CEP120: variants seen among roughly 807,000 people sequenced by gnomAD.
The protein encoded by CEP120 is centrosomal protein of 120 kDa.
A neutral mutation model predicts 126.5 loss-of-function variants in CEP120; 113 were observed. The ratio of observed to expected loss-of-function variants is 0.89; its 90% CI spans 0.77 to 1.04. The LOEUF is 1.04. Ranked by LOEUF, CEP120 falls within the 50% of genes least tolerant of loss-of-function variation. CEP120 has a pLI of 0.00. For missense variants in CEP120, 1,230 were observed against 1,155.7 expected (o/e 1.06, Z -0.93); for synonymous variants, 400 against 394.3 (o/e 1.01, Z -0.17).
intron 6 of CEP120, 114 bp from the exon 7 acceptor site, chr5:123,391,451 G>T: frequency 1.3e-6 from 1 of 740,926 alleles, no homozygotes; most frequent in Non-Finnish European, 2.2e-6. Flanking sequence ...TATTATGCAG[G>T]TTATACCTCA....
intron 18 of CEP120, among the ~76,000 whole-genome samples, chr5:123,360,990 T>TCAATAAAAATG (rs1770037260): frequency 6.6e-6 from 1 of 151,368 alleles, no homozygotes; most frequent in African/African-American, 2.4e-5. Flanking sequence ...GCATAGATAC[T>TCAATAAAAATG]TCTCAATAAA....
At chr5:123,350,285 C>T (rs1483354413) in intron 18 of CEP120, among the ~76,000 whole-genome samples, 196 bp from the exon 19 acceptor site, 2 of 152,022 alleles carry the variant, frequency 1.3e-5, no homozygotes, top group Non-Finnish European at 2.9e-5. Flanking sequence ...AGCAACGAAG[C>T]ACACTACAGC....
chr5:123,362,070 G>A (rs1329539342), intron 18 of CEP120, among the ~76,000 whole-genome samples: 1 of 151,530 alleles, frequency 6.6e-6, no homozygotes, highest in Non-Finnish European at 1.5e-5. Flanking sequence ...TTTATATCTT[G>A]TTACCTTTAA....
intron 18 of CEP120, among the ~76,000 whole-genome samples, chr5:123,362,014 T>C (rs990138628): frequency 4.0e-5 from 6 of 151,602 alleles, no homozygotes; most frequent in Admixed American, 2.6e-4. Context: ...TCTGATGGAG[T>C]TTATATCTTG....
intron 3 of CEP120, 41 bp from the exon 4 acceptor site, chr5:123,412,581 A>AG (rs751484760): frequency 2.7e-6 from 4 of 1,463,076 alleles, no homozygotes; most frequent in Non-Finnish European, 3.7e-6. Context: ...ATAGTTAATA[A>AG]GGGAAAAAAC....
chr5:123,395,665 T>C (rs1289646829), intron 5 of CEP120, among the ~76,000 whole-genome samples: 2 of 151,284 alleles, frequency 1.3e-5, no homozygotes, highest in African/African-American at 2.4e-5. Flanking sequence ...TTGTGGCATG[T>C]ATCAGTACTT....
intron 4 of CEP120, among the ~76,000 whole-genome samples, chr5:123,411,406 T>C (rs1774051985): frequency 6.6e-6 from 1 of 152,190 alleles, no homozygotes; most frequent in Non-Finnish European, 1.5e-5. Context: ...TTACAGTACC[T>C]TTATTTATAA....
rs967352979 is a variant in CEP120 at position 123,388,171 on chromosome 5, T to C, written c.1430+261A>G. 3.2e-5 allele frequency: 7 copies of C among 218,586 alleles called. No individual in the cohort carries two copies. The South Asian group carries it at 1.1e-3, about 34-fold the overall frequency. 13.5% of individuals were successfully genotyped at this position (218,586 alleles called of 1,614,324 possible). On this transcript the variant is annotated intron_variant, in intron 9 of 19. Transcript: ENST00000306467. ...TATTATGTATGTTTATCAAAATACA[T>C]ACATGTATTATATTACTTAGAATAA...
At chr5:123,395,636 T>C (rs1358887392) in intron 5 of CEP120, among the ~76,000 whole-genome samples, 1 of 152,080 alleles carries the variant, frequency 6.6e-6, no homozygotes, top group African/African-American at 2.4e-5. Context: ...ACTTAGCATG[T>C]TTCCACCATT....
intron 10 of CEP120, among the ~76,000 whole-genome samples, chr5:123,385,741 T>G (rs988311126): frequency 6.6e-6 from 1 of 151,582 alleles, no homozygotes; most frequent in Admixed American, 6.6e-5. Context: ...TTTAGCCCCC[T>G]AAGTAGCTGG....
At chr5:123,353,179 TTC>T (rs935811131) in intron 18 of CEP120, among the ~76,000 whole-genome samples, 126 of 152,112 alleles carry the variant, frequency 8.3e-4, no homozygotes, top group African/African-American at 3.0e-3. Flanking sequence ...GAGGGAAGGT[TTC>T]TCTCATTTCT....
chr5:123,365,798 G>A (rs992257075), intron 17 of CEP120, among the ~76,000 whole-genome samples: 1 of 151,284 alleles, frequency 6.6e-6, no homozygotes, highest in Non-Finnish European at 1.5e-5. Context: ...TATCACTGTG[G>A]GATAAGAGGA....
At chr5:123,378,842 T>A (rs765841560) in intron 14 of CEP120, among the ~76,000 whole-genome samples, 8 of 151,884 alleles carry the variant, frequency 5.3e-5, no homozygotes, top group Non-Finnish European at 1.2e-4. Flanking sequence ...GTGGTGGGTG[T>A]CTTGGTGTAT....
intron 6 of CEP120, among the ~76,000 whole-genome samples, chr5:123,392,216 T>C (rs930268676): frequency 1.1e-4 from 17 of 152,194 alleles, no homozygotes; most frequent in Non-Finnish European, 2.5e-4. Flanking sequence ...CATTAGAAAC[T>C]AATAAATCAA....
At chr5:123,365,579 TG>T (rs1562011082) in intron 17 of CEP120, among the ~76,000 whole-genome samples, 1 of 151,682 alleles carries the variant, frequency 6.6e-6, no homozygotes, top group Non-Finnish European at 1.5e-5. Flanking sequence ...TATGACTACA[TG>T]GAGTCAAGGT....
intron 19 of CEP120, 53 bp from the exon 20 acceptor site, chr5:123,346,806 G>C (rs1449850940): frequency 3.9e-6 from 5 of 1,283,702 alleles, no homozygotes; most frequent in Non-Finnish European, 5.3e-6. Context: ...TTTTCTTAAT[G>C]TCACTATTTA....
Position 123,364,556 on chromosome 5 carries a change from A to C in CEP120, c.2520T>G (p.Ser840=), listed in dbSNP as rs1476226400. The change falls in exon 18 of 20, where the codon TCT becomes TCG. Residue 840 remains serine, a synonymous_variant. Transcript: ENST00000306467. The stretch of plus-strand genomic sequence containing the variant: ...CCCACTGCTGCTTGTAATGCAGTTT[A>C]GACTTAGTTGCAGATTCCAACTTTC... ...LERKLESATK[S]KLHYKQQWGR... is the part of the protein sequence containing the mutation. 1 of 1,606,452 alleles carries C rather than the reference A, an allele frequency of 6.2e-7. No individual in the cohort carries two copies. The highest frequency in any genetic ancestry group is 1.7e-5 in the Admixed American group (1 of 59,312).
chr5:123,391,050 T>G, intron 7 of CEP120, 60 bp downstream of exon 7: 1 of 1,254,182 alleles, frequency 8.0e-7, no homozygotes, highest in Non-Finnish European at 1.1e-6. Flanking sequence ...ATTCAACTTT[T>G]GTAAGTAATC....
chr5:123,367,826 A>G (rs1770572406), intron 17 of CEP120, among the ~76,000 whole-genome samples: 2 of 151,956 alleles, frequency 1.3e-5, no homozygotes, highest in African/African-American at 4.8e-5. Flanking sequence ...ATGAGAAAAG[A>G]AACAAAACTC....
Sources: allele counts gnomAD v4.1 joint callset (sites outside exome capture counted in the v4.1 genomes callset), GRCh38; gene constraint gnomAD v4.1.1; transcripts MANE v1.5; gene names NCBI Gene and HGNC (gene_info 2026-07-23, HGNC 2026-07-21).